Variants in MYO6 observed in about 807,000 individuals in gnomAD.
The protein encoded by MYO6 is unconventional myosin-VI.
A neutral mutation model predicts 178.7 loss-of-function variants in MYO6; 74 were observed. The observed-to-expected ratio is 0.41, with a 90% CI of 0.34 to 0.50. MYO6 has a LOEUF of 0.50. Ranked by LOEUF, MYO6 falls within the 20% of genes least tolerant of loss-of-function variation. The pLI is 0.09. For missense variants in MYO6, 1,330 were observed against 1,547.4 expected (o/e 0.86, Z 2.36); for synonymous variants, 477 against 504.6 (o/e 0.95, Z 0.73).
intron 11 of MYO6, among the ~76,000 whole-genome samples, chr6:75,853,349 T>G (rs1461030547): frequency 2.6e-5 from 4 of 152,198 alleles, no homozygotes; most frequent in African/African-American, 9.6e-5. Flanking sequence ...GAAGCCTAAT[T>G]TATCTGTTTT....
chr6:75,781,714 G>A (rs1766997605), intron 1 of MYO6, among the ~76,000 whole-genome samples: 1 of 152,012 alleles, frequency 6.6e-6, no homozygotes, highest in Non-Finnish European at 1.5e-5. Context: ...GAGGTCAGGA[G>A]TTCAGAGACC....
chr6:75,859,590 G>A (rs1054634864), intron 14 of MYO6, among the ~76,000 whole-genome samples: 3 of 149,402 alleles, frequency 2.0e-5, no homozygotes, highest in Non-Finnish European at 3.0e-5. Context: ...GTGAGCCACC[G>A]CGCCTGGCCT....
chr6:75,752,994 C>T (rs3798458), intron 1 of MYO6, among the ~76,000 whole-genome samples: 13,049 of 152,126 alleles, frequency 0.086, 706 homozygotes, highest in Middle Eastern at 0.16. Flanking sequence ...AGGGGGGACT[C>T]GTTTTTAGAT....
intron 12 of MYO6, among the ~76,000 whole-genome samples, chr6:75,855,956 G>A (rs1163139844): frequency 6.6e-6 from 1 of 152,210 alleles, no homozygotes; most frequent in African/African-American, 2.4e-5. Context: ...ACATATTTCC[G>A]AAAAAGTTGC....
intron 1 of MYO6, among the ~76,000 whole-genome samples, chr6:75,761,626 CAG>C (rs1554190841): frequency 6.6e-6 from 1 of 150,988 alleles, no homozygotes; most frequent in Non-Finnish European, 1.5e-5. Flanking sequence ...CACACACACA[CAG>C]ACACATTTTT....
rs199929374 is a variant in MYO6 at position 75,873,213 on chromosome 6, A to T, written c.1990A>T (p.Ser664Cys). ...AGTACCTTTATTTTCCTAGGGAGCAAGCTTTATTCGTTGCATCAAACCTAA... is the reference window on the plus strand; with the variant it reads ...AGTACCTTTATTTTCCTAGGGAGCATGCTTTATTCGTTGCATCAAACCTAA... ...LLDKLRSTGA[S>C]FIRCIKPNLK... The change falls in exon 20 of 35, where the codon AGC (serine) becomes TGC (cysteine). Residue 664 changes from serine (S) to cysteine (C), a missense_variant. Physicochemically the swap from Ser to Cys is moderately radical, Grantham distance 112. This residue lies in a region of MYO6 where 613 missense variants were observed against 816.8 expected (regional missense o/e 0.75). Transcript: ENST00000369977. The T allele has an allele frequency of 6.2e-6, 10 of 1,613,890 alleles. No homozygotes were observed. In the African/African-American group the frequency reaches 1.2e-4, roughly 19 times the overall value.
At chr6:75,787,610 C>T (rs1249676302) in intron 1 of MYO6, among the ~76,000 whole-genome samples, 1 of 141,654 alleles carries the variant, frequency 7.1e-6, no homozygotes, top group Non-Finnish European at 1.5e-5. Flanking sequence ...ACAAAGGGGG[C>T]ATGAGGGAAC....
At chr6:75,788,543 C>G (rs960914851) in intron 1 of MYO6, among the ~76,000 whole-genome samples, 1 of 152,168 alleles carries the variant, frequency 6.6e-6, no homozygotes, top group African/African-American at 2.4e-5. Flanking sequence ...TATGTTCTCC[C>G]CACTAAACTG....
chr6:75,752,739 C>T (rs1777006906), intron 1 of MYO6, among the ~76,000 whole-genome samples: 1 of 152,182 alleles, frequency 6.6e-6, no homozygotes, highest in South Asian at 2.1e-4. Flanking sequence ...AGTTGACAGC[C>T]TTGAACACTG....
At chr6:75,761,186 A>G (rs1043691363) in intron 1 of MYO6, among the ~76,000 whole-genome samples, 4 of 152,350 alleles carry the variant, frequency 2.6e-5, no homozygotes, top group Non-Finnish European at 4.4e-5. Context: ...TTTCAAACAA[A>G]ACTGTGGCTT....
chr6:75,845,496 C>T (rs573222181), intron 10 of MYO6, among the ~76,000 whole-genome samples: 1 of 151,872 alleles, frequency 6.6e-6, no homozygotes, highest in East Asian at 1.9e-4. Flanking sequence ...AGTTTGAGAC[C>T]AGCCTGGGCA....
intron 1 of MYO6, among the ~76,000 whole-genome samples, chr6:75,804,840 C>T (rs1460617833): frequency 1.3e-5 from 2 of 149,834 alleles, no homozygotes; most frequent in Non-Finnish European, 1.5e-5. Context: ...TGTCTAATAC[C>T]CTAACATATA....
intron 14 of MYO6, among the ~76,000 whole-genome samples, chr6:75,859,444 C>T (rs759270729): frequency 1.2e-4 from 18 of 151,506 alleles, no homozygotes; most frequent in Non-Finnish European, 2.1e-4. Flanking sequence ...GGACAACAGG[C>T]GTGGGCTACC....
intron 2 of MYO6, among the ~76,000 whole-genome samples, chr6:75,818,017 A>C (rs1016081903): frequency 6.6e-6 from 1 of 152,228 alleles, no homozygotes; most frequent in Non-Finnish European, 1.5e-5. Context: ...TAAAGTTATT[A>C]GTGTGTCTGT....
chr6:75,841,382 G>T lies in MYO6; in HGVS notation c.816+4G>T. 1.9e-6 allele frequency: 3 copies of T among 1,612,814 alleles called. No individual in the cohort carries two copies. Among genetic ancestry groups the T allele is most frequent in the Non-Finnish European group, 2.5e-6 (3 of 1,179,764 alleles). ...GAGTTCACCAGATAATTTTCGGGTA[G>T]GTCAGAAGAAAAGAAATTTCATATA... On this transcript the variant is annotated splice_donor_region_variant and intron_variant, in intron 9 of 34. Transcript: ENST00000369977.
chr6:75,822,870 A>AT lies in MYO6; in HGVS notation c.187+21dup. 6.3e-7 allele frequency: 1 copy of AT among 1,579,170 alleles called. No individual in the cohort carries two copies. Among genetic ancestry groups the AT allele is most frequent in the Non-Finnish European group, 8.7e-7 (1 of 1,148,562 alleles). ...GATAACTGTAAGTACCAAGTTAAAA[A>AT]TTAACTCTCCGCACAGAAAAGGAGA... On this transcript the variant is annotated intron_variant, in intron 3 of 34. Transcript: ENST00000369977.
chr6:75,815,607 T>A (rs1284770923), intron 1 of MYO6, among the ~76,000 whole-genome samples: 1 of 152,226 alleles, frequency 6.6e-6, no homozygotes, highest in Non-Finnish European at 1.5e-5. Context: ...ATTTGTCAAC[T>A]TGGAATTGTA....
intron 1 of MYO6, among the ~76,000 whole-genome samples, chr6:75,770,963 C>T (rs1276561235): frequency 2.6e-5 from 4 of 151,184 alleles, no homozygotes; most frequent in Non-Finnish European, 2.9e-5. Context: ...TACCCCAAGA[C>T]ACATGTGTAA....
intron 1 of MYO6, among the ~76,000 whole-genome samples, chr6:75,770,355 A>AAT (rs1158698268): frequency 6.6e-6 from 1 of 152,240 alleles, no homozygotes; most frequent in African/African-American, 2.4e-5. Context: ...AGATACAAAG[A>AAT]GAAATTCCGT....
Sources: allele counts gnomAD v4.1 joint callset (sites outside exome capture counted in the v4.1 genomes callset), GRCh38; gene constraint gnomAD v4.1.1; regional missense constraint gnomAD v4.1.1; transcripts MANE v1.5; gene names NCBI Gene and HGNC (gene_info 2026-07-23, HGNC 2026-07-21).